Variants in NLGN1 observed in about 807,000 individuals in gnomAD.
The protein encoded by NLGN1 is neuroligin 1.
NLGN1 carries 12 observed loss-of-function variants against 65.5 expected under a neutral mutation model. The ratio of observed to expected loss-of-function variants is 0.18; its 90% confidence interval spans 0.12 to 0.30. NLGN1 has a LOEUF of 0.30. NLGN1 is among the 10% of genes least tolerant of loss of function. NLGN1 has a pLI of 1.00. For synonymous variants in NLGN1, 350 were observed against 359.5 expected, an observed-to-expected ratio of 0.97 and a Z score of 0.30; for missense variants, 750 against 1,007.1, an observed-to-expected ratio of 0.74 and a Z score of 3.46.
rs1003132627 is a variant in NLGN1 at position 173,507,933 on chromosome 3, C to T, written c.-321+72855C>T. Among the ~76,000 whole-genome samples the T allele has an allele frequency of 2.6e-5, 4 of 152,242 alleles. No individual in the cohort carries two copies. The South Asian group carries it at 6.2e-4, about 24-fold the overall frequency. On this transcript the variant is annotated intron_variant, in intron 2 of 6. Transcript: ENST00000457714. ...TTATTTAGTTACAGCGCAGTTTACT[C>T]AACTGTAAAAAGAGGGTGTTAACAC... is the stretch of plus-strand genomic sequence containing the variant.
intron 4 of NLGN1, among the ~76,000 whole-genome samples, chr3:174,097,431 T>G (rs1432716184): frequency 1.3e-5 from 2 of 152,176 alleles, no homozygotes; most frequent in African/African-American, 4.8e-5. Context: ...AAGGGAATAT[T>G]CATGGCCCAA....
intron 3 of NLGN1, among the ~76,000 whole-genome samples, chr3:173,667,639 CT>C (rs930763989): frequency 6.6e-6 from 1 of 151,676 alleles, no homozygotes; most frequent in Non-Finnish European, 1.5e-5. Context: ...CTGAAATTCC[CT>C]TTTTTTTGAG....
At chr3:173,821,602 G>T (rs1323597320) in intron 4 of NLGN1, among the ~76,000 whole-genome samples, 5 of 151,946 alleles carry the variant, frequency 3.3e-5, no homozygotes, top group African/African-American at 1.2e-4. Flanking sequence ...GAATATATTT[G>T]GCTCTTCTGT....
intron 4 of NLGN1, among the ~76,000 whole-genome samples, chr3:173,869,655 AC>A (rs1372456870): frequency 7.6e-4 from 116 of 152,226 alleles, no homozygotes; most frequent in Non-Finnish European, 1.0e-4. Flanking sequence ...ATCAATGTAA[AC>A]CCAGTCTTCT....
chr3:174,062,767 T>C (rs899781199), intron 4 of NLGN1, among the ~76,000 whole-genome samples: 5 of 152,078 alleles, frequency 3.3e-5, no homozygotes, highest in African/African-American at 9.6e-5. Flanking sequence ...TTAATACATT[T>C]TTCTTTTATC....
chr3:174,096,303 G>A (rs1244760882), intron 4 of NLGN1, among the ~76,000 whole-genome samples: 1 of 151,310 alleles, frequency 6.6e-6, no homozygotes, highest in Admixed American at 6.6e-5. Flanking sequence ...ACAGAAACTG[G>A]ATTGTCTCCT....
At chr3:173,917,870 T>TGTGTGTGTGTGTG (rs10530688) in intron 4 of NLGN1, among the ~76,000 whole-genome samples, 6 of 151,906 alleles carry the variant, frequency 3.9e-5, no homozygotes, top group South Asian at 2.1e-4. Context: ...TGTGTGTGTG[T>TGTGTGTGTGTGTG]TGGCCTTTAT....
chr3:173,678,897 A>G (rs1037339402), intron 3 of NLGN1, among the ~76,000 whole-genome samples: 1 of 152,124 alleles, frequency 6.6e-6, no homozygotes, highest in African/African-American at 2.4e-5. Flanking sequence ...CATTTAGGAG[A>G]ATTCCTTGCT....
downstream of NLGN1, among the ~76,000 whole-genome samples, chr3:174,287,946 A>G (rs1752314108): frequency 6.6e-6 from 1 of 151,510 alleles, no homozygotes; most frequent in Non-Finnish European, 1.5e-5. Flanking sequence ...GAAATTAGTC[A>G]TTTCTTCTTT....
chr3:173,525,507 T>C (rs988210394), intron 2 of NLGN1, among the ~76,000 whole-genome samples: 1 of 152,086 alleles, frequency 6.6e-6, no homozygotes, highest in East Asian at 1.9e-4. Flanking sequence ...ATCTTCTTTT[T>C]TTCTTGGTTA....
intron 2 of NLGN1, among the ~76,000 whole-genome samples, chr3:173,537,890 G>A (rs185961745): frequency 1.8e-4 from 28 of 152,216 alleles, no homozygotes; most frequent in Middle Eastern, 6.8e-3. Flanking sequence ...TGGTAGCCAG[G>A]ATCAGTCAGC....
At chr3:174,220,215 C>T (rs1209072870) in intron 4 of NLGN1, among the ~76,000 whole-genome samples, 15 of 152,062 alleles carry the variant, frequency 9.9e-5, no homozygotes, top group Admixed American at 9.2e-4. Context: ...TGGCACTAGA[C>T]AAAGTCAAAA....
At chr3:173,499,906 G>T (rs183040382) in intron 2 of NLGN1, among the ~76,000 whole-genome samples, 1 of 151,722 alleles carries the variant, frequency 6.6e-6, no homozygotes, top group Non-Finnish European at 1.5e-5. Context: ...CATTGATTTT[G>T]TATCCTGAGA....
At chr3:173,799,203 G>A (rs1383778845) in intron 3 of NLGN1, among the ~76,000 whole-genome samples, 1 of 151,826 alleles carries the variant, frequency 6.6e-6, no homozygotes, top group Admixed American at 6.6e-5. Context: ...TAACTTGAGT[G>A]TCGTGTGTTT....
chr3:174,272,704 TAGATATAG>T (rs1217739038), intron 4 of NLGN1, among the ~76,000 whole-genome samples: 30 of 150,572 alleles, frequency 2.0e-4, no homozygotes, highest in East Asian at 1.6e-3. Context: ...GATAGATAGA[TAGATATAG>T]ATAGATAGAA....
intron 4 of NLGN1, among the ~76,000 whole-genome samples, chr3:173,899,680 C>A (rs897754554): frequency 6.6e-6 from 1 of 152,046 alleles, no homozygotes; most frequent in Non-Finnish European, 1.5e-5. Flanking sequence ...TTCACCCATT[C>A]TTTTACGTGT....
chr3:173,479,213 G>A (rs1356161660), intron 2 of NLGN1, among the ~76,000 whole-genome samples: 1 of 152,140 alleles, frequency 6.6e-6, no homozygotes, highest in Non-Finnish European at 1.5e-5. Flanking sequence ...TGGTTCCTGA[G>A]GAGATGGAAG....
chr3:173,962,967 G>A (rs1458187845), intron 4 of NLGN1, among the ~76,000 whole-genome samples: 2 of 152,030 alleles, frequency 1.3e-5, no homozygotes, highest in Non-Finnish European at 2.9e-5. Flanking sequence ...CTATTATTAC[G>A]ATAGCAAATA....
At chr3:173,397,010 T>C (rs1716734043), upstream of NLGN1, among the ~76,000 whole-genome samples, 1 of 152,144 alleles carries the variant, frequency 6.6e-6, no homozygotes, top group South Asian at 2.1e-4. Flanking sequence ...AAATAAGTGT[T>C]TTAAACATCT....
Sources: gnomAD v4.1 joint callset for allele counts (sites outside exome capture counted in the v4.1 genomes callset) on GRCh38, gnomAD v4.1.1 for gene constraint, MANE v1.5 for transcripts, NCBI Gene and HGNC (gene_info 2026-07-23, HGNC 2026-07-21) for gene names.